TEK: variants seen among roughly 807,000 people sequenced by gnomAD.
TEK encodes angiopoietin-1 receptor.
TEK carries 43 observed loss-of-function variants against 131.8 expected under a neutral mutation model. The ratio of observed to expected loss-of-function variants is 0.33; its 90% CI spans 0.26 to 0.42. TEK has a LOEUF of 0.42. Ranked by LOEUF, TEK falls within the 10% of genes least tolerant of loss-of-function variation. The pLI is 1.00. For synonymous variants in TEK, 580 were observed against 491.6 expected, an observed-to-expected ratio of 1.18 and a Z score of -2.38; for missense variants, 1,162 against 1,384.4, an observed-to-expected ratio of 0.84 and a Z score of 2.55.
At chr9:27,191,248 C>T (rs1188405658) in intron 10 of TEK, among the ~76,000 whole-genome samples, 1 of 151,978 alleles carries the variant, frequency 6.6e-6, no homozygotes, top group Non-Finnish European at 1.5e-5. Flanking sequence ...AGGACAAGGA[C>T]AGGCAAAGGG....
chr9:27,180,331 C>T lies in TEK; in HGVS notation c.993C>T (p.Cys331=). 6.2e-7 allele frequency: 1 copy of T among 1,613,730 alleles called. No individual in the cohort carries two copies. Among genetic ancestry groups the T allele is most frequent in the South Asian group, 1.1e-5 (1 of 91,066 alleles). Residue 331 remains cysteine, a synonymous_variant, in exon 7 of 23, where the codon TGC becomes TGT. Coordinates refer to ENST00000380036, the MANE Select transcript of TEK (RefSeq NM_000459.5). The part of the protein sequence containing the change: ...EMCDRFQGCL[C]SPGWQGLQCE... Reference sequence around the variant, plus strand: ...GTGATCGCTTCCAAGGATGTCTCTGCTCTCCAGGATGGCAGGGGCTCCAGT... The same window carrying T: ...GTGATCGCTTCCAAGGATGTCTCTGTTCTCCAGGATGGCAGGGGCTCCAGT...
At chr9:27,226,861 G>A (rs998112157) in intron 21 of TEK, among the ~76,000 whole-genome samples, 1 of 152,156 alleles carries the variant, frequency 6.6e-6, no homozygotes, top group African/African-American at 2.4e-5. Context: ...CGTGGTAGAA[G>A]CTAACTGGCA....
intron 21 of TEK, among the ~76,000 whole-genome samples, chr9:27,222,563 C>A (rs909328257): frequency 6.6e-6 from 1 of 152,326 alleles, no homozygotes; most frequent in Middle Eastern, 3.4e-3. Flanking sequence ...CAGTATTCAA[C>A]ATTCTTAAGA....
chr9:27,142,132 T>C (rs2131087399), intron 1 of TEK, among the ~76,000 whole-genome samples: 1 of 151,954 alleles, frequency 6.6e-6, no homozygotes, highest in Non-Finnish European at 1.5e-5. Context: ...AGTGAGAGAA[T>C]GAGGATATGA....
chr9:27,129,540 C>G (rs766109178), intron 1 of TEK, among the ~76,000 whole-genome samples: 3 of 152,176 alleles, frequency 2.0e-5, no homozygotes, highest in African/African-American at 7.2e-5. Flanking sequence ...AAGCCCATCT[C>G]CTCTGGAAAT....
intron 1 of TEK, among the ~76,000 whole-genome samples, chr9:27,133,598 C>T (rs1445397774): frequency 6.6e-6 from 1 of 152,150 alleles, no homozygotes; most frequent in Non-Finnish European, 1.5e-5. Context: ...ATTGCTAGTG[C>T]ATGCCTCATC....
chr9:27,150,564 C>T (rs1823087529), intron 1 of TEK, among the ~76,000 whole-genome samples: 2 of 152,072 alleles, frequency 1.3e-5, no homozygotes, highest in African/African-American at 4.8e-5. Flanking sequence ...TGAGCAGTGA[C>T]TGTGCCACTG....
intron 6 of TEK, among the ~76,000 whole-genome samples, chr9:27,173,633 C>T (rs1047769669): frequency 1.6e-4 from 24 of 151,442 alleles, no homozygotes; most frequent in African/African-American, 5.1e-4. Flanking sequence ...GACTGGGGCC[C>T]GAGGTTCTGC....
rs772924336 is a variant in TEK at position 27,169,604 on chromosome 9, G to T, written c.603G>T (p.Ser201=). The stretch of plus-strand genomic sequence containing the variant: ...ATATAGGAGGAAACCTCTTCACCTC[G>T]GCCTTCACCAGGCTGATAGTCCGGA... ...ARYIGGNLFT[S]AFTRLIVRRC... is the part of the protein sequence containing the mutation. Residue 201 remains serine (S), a synonymous_variant, in exon 4 of 23, where the codon TCG becomes TCT. Transcript: ENST00000380036. The T allele has an allele frequency of 1.9e-6, 3 of 1,614,066 alleles. No individual in the cohort carries two copies. The Admixed American group carries it at 5.0e-5, about 27-fold the overall frequency.
At chr9:27,111,533 G>GAA (rs34617595) in intron 1 of TEK, among the ~76,000 whole-genome samples, 2 of 144,636 alleles carry the variant, frequency 1.4e-5, no homozygotes, top group African/African-American at 5.1e-5. Flanking sequence ...CCCACAGACT[G>GAA]AAAAAAAAAA....
chr9:27,221,322 G>C (rs1826068485), intron 21 of TEK, among the ~76,000 whole-genome samples: 1 of 152,316 alleles, frequency 6.6e-6, no homozygotes, highest in East Asian at 1.9e-4. Context: ...GCACCTAGTG[G>C]TAAGGGTGGC....
intron 1 of TEK, among the ~76,000 whole-genome samples, chr9:27,135,041 A>T (rs1348686900): frequency 6.6e-6 from 1 of 152,118 alleles, no homozygotes; most frequent in African/African-American, 2.4e-5. Context: ...CCTGCCCAAC[A>T]TGGAGAAGTC....
intron 1 of TEK, among the ~76,000 whole-genome samples, chr9:27,129,899 T>C (rs1479219656): frequency 6.6e-6 from 1 of 152,230 alleles, no homozygotes; most frequent in East Asian, 1.9e-4. Flanking sequence ...TATTGTATAA[T>C]ATTTTCTTCC....
chr9:27,206,447 C>G, intron 14 of TEK, 135 bp from the exon 15 acceptor site: 3 of 1,062,984 alleles, frequency 2.8e-6, no homozygotes, highest in Non-Finnish European at 1.4e-6. Context: ...TGATGAAAAC[C>G]TATTTCCCTT....
intron 15 of TEK, 134 bp downstream of exon 15, chr9:27,206,926 G>A (rs191022188): frequency 3.0e-6 from 3 of 985,532 alleles, no homozygotes; most frequent in African/African-American, 3.2e-5. Flanking sequence ...GCAACTGAAG[G>A]TTATGCTTCC....
chr9:27,171,312 A>G (rs1823946777), intron 4 of TEK, among the ~76,000 whole-genome samples: 1 of 152,074 alleles, frequency 6.6e-6, no homozygotes, highest in Non-Finnish European at 1.5e-5. Flanking sequence ...CATTCCTCTA[A>G]CGATTGCCAT....
intron 16 of TEK, among the ~76,000 whole-genome samples, 196 bp downstream of exon 16, chr9:27,209,427 G>C (rs1825520432): frequency 6.6e-6 from 1 of 152,112 alleles, no homozygotes; most frequent in South Asian, 2.1e-4. Context: ...AGGTGCCGAG[G>C]CTGGACTATT....
At chr9:27,202,509 C>A (rs1825254168) in intron 12 of TEK, among the ~76,000 whole-genome samples, 1 of 152,190 alleles carries the variant, frequency 6.6e-6, no homozygotes, top group African/African-American at 2.4e-5. Context: ...TATATAAATG[C>A]CAGCCCTCAG....
At chr9:27,126,100 G>A (rs1306482793) in intron 1 of TEK, among the ~76,000 whole-genome samples, 6 of 152,190 alleles carry the variant, frequency 3.9e-5, no homozygotes, top group Non-Finnish European at 7.3e-5. Context: ...TTCTGGTCAC[G>A]ACATTTTCGT....
Sources: gnomAD v4.1 joint callset for allele counts (sites outside exome capture counted in the v4.1 genomes callset) on GRCh38, gnomAD v4.1.1 for gene constraint, MANE v1.5 for transcripts, NCBI Gene and HGNC (gene_info 2026-07-23, HGNC 2026-07-21) for gene names.